PCDHA11: variants seen among roughly 807,000 people sequenced by gnomAD.
The protein encoded by PCDHA11 is protocadherin alpha-11.
PCDHA11 carries 61 observed loss-of-function variants against 70.3 expected under a neutral mutation model. The observed-to-expected ratio is 0.87, with a 90% CI of 0.71 to 1.07. The LOEUF (loss-of-function observed/expected upper bound fraction) is 1.07. Ranked by LOEUF, PCDHA11 falls within the 50% of genes least tolerant of loss-of-function variation. The pLI is 0.00. For synonymous variants in PCDHA11, 633 were observed against 555.1 expected (o/e 1.14, Z -1.97); for missense variants, 1,324 against 1,237.5 (o/e 1.07, Z -1.05).
At chr5:140,922,016 AT>A (rs1213488839) in intron 1 of PCDHA11, among the ~76,000 whole-genome samples, 20 of 152,076 alleles carry the variant, frequency 1.3e-4, no homozygotes, top group Admixed American at 1.2e-3. Flanking sequence ...GTTTAAAAAA[AT>A]AAATATAAAA....
At chr5:140,903,061 C>T (rs2069972197) in intron 1 of PCDHA11, among the ~76,000 whole-genome samples, 1 of 152,052 alleles carries the variant, frequency 6.6e-6, no homozygotes, top group African/African-American at 2.4e-5. Context: ...GACTTCTTTT[C>T]CTTTGGGTAG....
At chr5:140,876,630 C>T in intron 1 of PCDHA11, 2 of 1,614,226 alleles carry the variant, frequency 1.2e-6, no homozygotes, top group Non-Finnish European at 1.7e-6. Context: ...GACAGGTCAT[C>T]TGCTCACTGA....
At chr5:140,901,713 A>G (rs1463520839) in intron 1 of PCDHA11, among the ~76,000 whole-genome samples, 1 of 151,994 alleles carries the variant, frequency 6.6e-6, no homozygotes, top group Non-Finnish European at 1.5e-5. Context: ...ACATTTTCAG[A>G]TTGTCTTTTC....
intron 1 of PCDHA11, among the ~76,000 whole-genome samples, chr5:140,914,725 T>C (rs1317424827): frequency 6.6e-6 from 1 of 152,164 alleles, no homozygotes; most frequent in African/African-American, 2.4e-5. Flanking sequence ...TTATTTTTTG[T>C]GTATCCATTG....
At chr5:140,886,042 A>G (rs1450330062) in intron 1 of PCDHA11, among the ~76,000 whole-genome samples, 1 of 152,222 alleles carries the variant, frequency 6.6e-6, no homozygotes, top group African/African-American at 2.4e-5. Context: ...GTTTTCCCCA[A>G]TAGTAACATC....
intron 1 of PCDHA11, among the ~76,000 whole-genome samples, chr5:140,924,901 AAAAATAAAATAAAAT>A (rs10667761): frequency 2.0e-3 from 158 of 80,494 alleles, no homozygotes; most frequent in African/African-American, 5.2e-3. Context: ...TCTCAAAAAA[AAAAATAAAATAAAAT>A]AAAATAAAAT....
rs73793533 is a variant in PCDHA11 at position 140,949,932 on chromosome 5, T to A, written c.2392-29017T>A. On this transcript the variant is annotated intron_variant, in intron 1 of 3. Transcript: ENST00000398640. Reference sequence around the variant, plus strand: ...GATATAACTATTTTTAGATTTTTTTTAATTTGCATTTTTTAGTGGTTGCTG... The same window carrying A: ...GATATAACTATTTTTAGATTTTTTTAAATTTGCATTTTTTAGTGGTTGCTG... Among the ~76,000 whole-genome samples, 1,356 of 151,758 alleles carry A rather than the reference T, an allele frequency of 8.9e-3. 15 individuals carry two copies. The highest frequency in any genetic ancestry group is 0.032 in the African/African-American group (1,309 of 41,514).
At chr5:140,912,824 A>T (rs1391588183) in intron 1 of PCDHA11, among the ~76,000 whole-genome samples, 3 of 152,170 alleles carry the variant, frequency 2.0e-5, no homozygotes, top group Non-Finnish European at 4.4e-5. Flanking sequence ...AGGGATTTTG[A>T]ATTTTATTAA....
intron 1 of PCDHA11, chr5:140,884,803 C>A: frequency 1.6e-6 from 2 of 1,225,132 alleles, no homozygotes; most frequent in Non-Finnish European, 2.2e-6. Context: ...AATTTAACAA[C>A]TCTGCTGTGG....
intron 1 of PCDHA11, among the ~76,000 whole-genome samples, chr5:140,891,372 G>A (rs1256551608): frequency 1.3e-5 from 2 of 151,962 alleles, no homozygotes; most frequent in Non-Finnish European, 2.9e-5. Flanking sequence ...AGTATACATT[G>A]CACCATATTT....
At position 140,870,107 on chromosome 5, in the gene PCDHA11, T is replaced by C; in HGVS notation, c.1004T>C (p.Val335Ala). The C allele has an allele frequency of 6.2e-7, 1 of 1,613,786 alleles. No homozygotes were observed. Among genetic ancestry groups the C allele is most frequent in the Admixed American group, 1.7e-5 (1 of 60,026 alleles). ...CCCCCAATGGCAGGTCACTGTACAG[T>C]CTGGGTGGAAATCTTGGACACCAAC... Reference protein sequence around the residue: ...GTPPMAGHCTVWVEILDTNDN... With the variant: ...GTPPMAGHCTAWVEILDTNDN... The change falls in exon 1 of 4, where the codon GTC (valine) becomes GCC (alanine). Residue 335 changes from valine (V) to alanine (A), a missense_variant. Val to Ala is a moderately conservative substitution (Grantham distance 64, BLOSUM62 0). Coordinates refer to ENST00000398640, the MANE Select transcript of PCDHA11 (RefSeq NM_018902.5).
At chr5:140,959,602 C>CTT (rs1554224184) in intron 1 of PCDHA11, among the ~76,000 whole-genome samples, 1 of 152,008 alleles carries the variant, frequency 6.6e-6, no homozygotes, top group African/African-American at 2.4e-5. Context: ...GTATAACATG[C>CTT]TTTTCTTGCT....
chr5:140,969,205 C>G (rs1046509500), intron 1 of PCDHA11: 6 of 1,614,130 alleles, frequency 3.7e-6, no homozygotes, highest in East Asian at 2.2e-5. Context: ...ATACAGGGGC[C>G]CAGACAGGAC....
In PCDHA11 at chr5:140,946,631, T is replaced by TATATATATATATACAC. The variant is rs57893927; in HGVS notation, c.2392-32317_2392-32316insTATATATATATACACA. ...TGTGAAATATATATATATATATATA[T>TATATATATATATACAC]ACAATGGAATACTCATCAGCCATTA... On this transcript the variant is annotated intron_variant, in intron 1 of 3. Coordinates refer to ENST00000398640, the MANE Select transcript of PCDHA11 (RefSeq NM_018902.5). Among the ~76,000 whole-genome samples the TATATATATATATACAC allele has an allele frequency of 4.3e-4, 57 of 131,850 alleles. 1 individual carries two copies. Among genetic ancestry groups the TATATATATATATACAC allele is most frequent in the East Asian group, 1.6e-3 (8 of 4,866 alleles). The allele number at this position is 131,850 out of a possible 152,430, so 86.5% of individuals were successfully genotyped here.
chr5:140,883,885 C>T (rs550197512), intron 1 of PCDHA11: 4 of 1,613,260 alleles, frequency 2.5e-6, no homozygotes, highest in East Asian at 4.5e-5. Context: ...GCGCGCGCGA[C>T]TCTGGCGTGC....
intron 1 of PCDHA11, chr5:140,877,335 G>C (rs115718636): frequency 0.047 from 75,474 of 1,613,976 alleles, 2,017 homozygotes; most frequent in Middle Eastern, 0.086. Flanking sequence ...CGCACATCCC[G>C]TTCCACGTGG....
intron 1 of PCDHA11, among the ~76,000 whole-genome samples, chr5:140,947,763 A>C (rs1392881813): frequency 1.3e-5 from 2 of 151,658 alleles, no homozygotes; most frequent in Non-Finnish European, 3.0e-5. Context: ...TGGTTTAAAA[A>C]ATTCTATTGT....
chr5:140,890,192 T>G (rs2062533503), intron 1 of PCDHA11, among the ~76,000 whole-genome samples: 1 of 151,744 alleles, frequency 6.6e-6, no homozygotes, highest in South Asian at 2.1e-4. Flanking sequence ...CAAAACAGAG[T>G]TTTTTGTTTT....
At chr5:140,883,621 C>T (rs368758287) in intron 1 of PCDHA11, 80 of 1,613,850 alleles carry the variant, frequency 5.0e-5, no homozygotes, top group Non-Finnish European at 6.4e-5. Flanking sequence ...TGAACGACAA[C>T]GCGCCGGCGT....
Sources: allele counts gnomAD v4.1 joint callset (sites outside exome capture counted in the v4.1 genomes callset), GRCh38; gene constraint gnomAD v4.1.1; transcripts MANE v1.5; gene names NCBI Gene and HGNC (gene_info 2026-07-23, HGNC 2026-07-21).